Variants in COL4A6 observed in about 807,000 individuals in gnomAD.
COL4A6 encodes collagen alpha-6(IV) chain.
In COL4A6, 59 loss-of-function variants were observed where a neutral mutation model predicts 126.7. The observed-to-expected ratio is 0.47, with a 90% CI of 0.38 to 0.58. The LOEUF (loss-of-function observed/expected upper bound fraction) is 0.58. Ranked by LOEUF, COL4A6 falls within the 20% of genes least tolerant of loss-of-function variation. The pLI is 0.00. For synonymous variants in COL4A6, 547 were observed against 496.6 expected (o/e 1.10, Z -1.35); for missense variants, 1,285 against 1,337.3 (o/e 0.96, Z 0.61).
At chrX:108,347,307 C>T (rs1284355663) in intron 2 of COL4A6, among the ~76,000 whole-genome samples, 2 of 112,494 alleles carry the variant, frequency 1.8e-5, no homozygotes, top group East Asian at 2.8e-4. Context: ...GGATGTGCAC[C>T]TTCCACATGG....
At position 108,159,614 on chromosome X, in the gene COL4A6, G is replaced by C; in HGVS notation, c.4660C>G (p.Pro1554Ala). 8.2e-7 allele frequency: 1 copy of C among 1,212,369 alleles called. No homozygotes were observed. Among genetic ancestry groups the C allele is most frequent in the Non-Finnish European group, 1.1e-6 (1 of 895,650 alleles). ...TGGGGAATCTGGGTCTGGCTGACGG[G>C]CATCATGGGGATAGGGGCGGTAGTG... ...LSTTAPIPMMPVSQTQIPQYI... is the reference protein window; with the variant it reads ...LSTTAPIPMMAVSQTQIPQYI... Residue 1554 changes from proline (P) to alanine (A), a missense_variant, in exon 44 of 45, where the codon CCC becomes GCC. Physicochemically the swap from Pro to Ala is conservative, Grantham distance 27. Transcript: ENST00000334504.
At chrX:108,264,683 TG>T (rs1212659983) in intron 3 of COL4A6, among the ~76,000 whole-genome samples, 2 of 111,785 alleles carry the variant, frequency 1.8e-5, no homozygotes, top group South Asian at 3.8e-4. Context: ...CTTCTTTCCC[TG>T]GGGCCTGTTG....
intron 2 of COL4A6, among the ~76,000 whole-genome samples, chrX:108,401,563 T>G (rs2041088530): frequency 9.0e-6 from 1 of 111,067 alleles, no homozygotes; most frequent in Non-Finnish European, 1.9e-5. Context: ...GGATATGAAC[T>G]GAAAAAGTTA....
chrX:108,295,929 T>C (rs944903801), intron 3 of COL4A6, among the ~76,000 whole-genome samples: 2 of 112,016 alleles, frequency 1.8e-5, no homozygotes, highest in African/African-American at 6.5e-5. Flanking sequence ...AAAAAGAAAC[T>C]TGGTTCAAAG....
intron 3 of COL4A6, among the ~76,000 whole-genome samples, chrX:108,236,561 A>G (rs1317478864): frequency 3.6e-5 from 4 of 111,528 alleles, no homozygotes; most frequent in African/African-American, 1.3e-4. Flanking sequence ...TCTTCGAAAC[A>G]TGCTCTGGAG....
In COL4A6 at chrX:108,382,053, T is replaced by C. The variant is rs1006119446; in HGVS notation, c.63+55889A>G. Among the ~76,000 whole-genome samples the C allele has an allele frequency of 7.1e-5, 8 of 111,977 alleles. No homozygotes were observed. In the Admixed American group the frequency reaches 7.6e-4, roughly 11 times the overall value. The stretch of plus-strand genomic sequence containing the variant: ...CACTCATTATTTCTCACCTAGACTC[T>C]AACAGCAGTATCTTCACTGGTATCT... On this transcript the variant is annotated intron_variant, in intron 2 of 44. Coordinates refer to ENST00000334504, the MANE Select transcript of COL4A6 (RefSeq NM_033641.4).
At chrX:108,379,885 A>G (rs991798285) in intron 2 of COL4A6, among the ~76,000 whole-genome samples, 4 of 110,639 alleles carry the variant, frequency 3.6e-5, no homozygotes, top group African/African-American at 9.8e-5. Flanking sequence ...GGAGACCCCA[A>G]GTCTTCTCTT....
At chrX:108,403,029 G>A (rs1001593493) in intron 2 of COL4A6, among the ~76,000 whole-genome samples, 4 of 111,137 alleles carry the variant, frequency 3.6e-5, no homozygotes, top group African/African-American at 1.3e-4. Flanking sequence ...AATTGAATGA[G>A]GTGTTTAAAA....
chrX:108,369,912 T>C (rs1358150386), intron 2 of COL4A6, among the ~76,000 whole-genome samples: 3 of 112,451 alleles, frequency 2.7e-5, no homozygotes, highest in African/African-American at 9.7e-5. Context: ...CCAATAAAAC[T>C]TTATTTATAA....
chrX:108,252,085 T>C (rs750201775), intron 3 of COL4A6, among the ~76,000 whole-genome samples: 4 of 111,240 alleles, frequency 3.6e-5, no homozygotes, highest in Non-Finnish European at 5.7e-5. Context: ...TTTTTCCTCC[T>C]ATCTAACTAT....
intron 3 of COL4A6, among the ~76,000 whole-genome samples, chrX:108,309,849 C>CACACAG (rs2038720322): frequency 2.0e-5 from 2 of 100,919 alleles, no homozygotes; most frequent in African/African-American, 7.5e-5. Context: ...CACACACACA[C>CACACAG]AGATGGATCA....
chrX:108,168,390 T>C (rs186220918), intron 37 of COL4A6, among the ~76,000 whole-genome samples: 81 of 112,071 alleles, frequency 7.2e-4, no homozygotes, highest in Middle Eastern at 4.6e-3. Context: ...AAACTGCAGA[T>C]GCATCAATTT....
In COL4A6 at chrX:108,187,780, A is replaced by T. The variant is rs2034914672; in HGVS notation, c.1767+68T>A. ...TTCCCTGTTTCATGGTCCAGTGGCC[A>T]TCAGACCCCCCAACAAAGTCAGGTG... is the stretch of plus-strand genomic sequence containing the variant. On this transcript the variant is annotated intron_variant, in intron 22 of 44. Coordinates refer to ENST00000334504, the MANE Select transcript of COL4A6 (RefSeq NM_033641.4). The T allele has an allele frequency of 3.8e-6, 4 of 1,055,070 alleles. No homozygotes were observed. In the East Asian group the frequency reaches 1.2e-4, roughly 32 times the overall value. The allele number at this position is 1,055,070 out of a possible 1,213,427, so 86.9% of individuals were successfully genotyped here.
At chrX:108,352,762 G>A (rs2039874093) in intron 2 of COL4A6, among the ~76,000 whole-genome samples, 1 of 112,197 alleles carries the variant, frequency 8.9e-6, no homozygotes, top group Admixed American at 9.4e-5. Flanking sequence ...TATGGTAGGT[G>A]CTTTGGACCA....
At chrX:108,245,969 C>T (rs1325669363) in intron 3 of COL4A6, among the ~76,000 whole-genome samples, 2 of 112,032 alleles carry the variant, frequency 1.8e-5, no homozygotes, top group Admixed American at 9.5e-5. Context: ...AACCAAGCTA[C>T]TGATATCTCT....
chrX:108,363,934 G>A (rs1307349571), intron 2 of COL4A6, among the ~76,000 whole-genome samples: 1 of 110,543 alleles, frequency 9.0e-6, no homozygotes, highest in Non-Finnish European at 1.9e-5. Context: ...GCAGTGGTGC[G>A]ATCTTGGCTC....
At chrX:108,315,588 T>G (rs1300429520) in intron 2 of COL4A6, among the ~76,000 whole-genome samples, 1 of 112,166 alleles carries the variant, frequency 8.9e-6, no homozygotes, top group Non-Finnish European at 1.9e-5. Context: ...GCTAAATATT[T>G]TAAATATAAT....
rs1006014823 is a variant in COL4A6 at position 108,191,459 on chromosome X, T to C, written c.1255A>G (p.Ile419Val). The change falls in exon 19 of 45, where the codon ATT becomes GTT. Residue 419 changes from isoleucine to valine, a missense_variant. Physicochemically the swap from Ile to Val is conservative, Grantham distance 29 (BLOSUM62 3). Transcript: ENST00000334504. ...CTGCCAGGGAGGCCAGCTGCTCCAATTGTGGTACGGCCTGGGTTTCCTTGG... is the reference window on the plus strand; with the variant it reads ...CTGCCAGGGAGGCCAGCTGCTCCAACTGTGGTACGGCCTGGGTTTCCTTGG... The part of the protein sequence containing the change: ...GDQGNPGRTT[I>V]GAAGLPGRDG... 1.7e-5 allele frequency: 20 copies of C among 1,209,694 alleles called. No homozygotes were observed. The Admixed American group carries it at 3.3e-4, about 20-fold the overall frequency.
intron 2 of COL4A6, among the ~76,000 whole-genome samples, chrX:108,437,027 C>T (rs907918786): frequency 2.7e-5 from 3 of 111,427 alleles, no homozygotes; most frequent in African/African-American, 6.5e-5. Flanking sequence ...CTTTGGGTAT[C>T]ATTAAGAATT....
Sources: gnomAD v4.1 joint callset for allele counts (sites outside exome capture counted in the v4.1 genomes callset) on GRCh38, gnomAD v4.1.1 for gene constraint, MANE v1.5 for transcripts, NCBI Gene and HGNC (gene_info 2026-07-23, HGNC 2026-07-21) for gene names.